VAV2: variants seen among roughly 807,000 people sequenced by gnomAD.
The protein encoded by VAV2 is guanine nucleotide exchange factor VAV2.
A neutral mutation model predicts 132.5 loss-of-function variants in VAV2; 67 were observed. The ratio of observed to expected loss-of-function variants is 0.51; its 90% CI spans 0.42 to 0.62. The LOEUF is 0.62. Among genes scored for constraint, VAV2 ranks in the 20% least tolerant of loss-of-function variants. The pLI, the probability that VAV2 is intolerant of heterozygous loss-of-function variation, is 0.00. For missense variants in VAV2, 938 were observed against 1,153.6 expected (o/e 0.81, Z 2.71); for synonymous variants, 492 against 443.5 (o/e 1.11, Z -1.37).
intron 1 of VAV2, among the ~76,000 whole-genome samples, chr9:133,940,926 GA>G (rs59772575): frequency 0.32 from 43,943 of 135,530 alleles, 6,417 homozygotes; most frequent in East Asian, 0.42. Context: ...ATAGCTAAAA[GA>G]AAAAAAAAAA....
At chr9:133,990,534 T>C (rs994324845) in intron 1 of VAV2, among the ~76,000 whole-genome samples, 5 of 152,166 alleles carry the variant, frequency 3.3e-5, no homozygotes, top group Non-Finnish European at 2.9e-5. Flanking sequence ...CGGACCCAGC[T>C]GCCCTGCCTC....
At chr9:133,781,209 T>C (rs1267239457) in intron 19 of VAV2, among the ~76,000 whole-genome samples, 1 of 152,170 alleles carries the variant, frequency 6.6e-6, no homozygotes, top group Non-Finnish European at 1.5e-5. Context: ...CTGCTTGCCA[T>C]CCTCAGCTCA....
chr9:133,806,721 A>T (rs1260223394), intron 8 of VAV2, among the ~76,000 whole-genome samples: 1 of 152,214 alleles, frequency 6.6e-6, no homozygotes, highest in African/African-American at 2.4e-5. Context: ...GGGAGGCAGG[A>T]CACAGCCACC....
chr9:133,869,132 G>A (rs1837925379), intron 2 of VAV2, among the ~76,000 whole-genome samples: 1 of 152,062 alleles, frequency 6.6e-6, no homozygotes, highest in African/African-American at 2.4e-5. Flanking sequence ...GAGTAGCTGG[G>A]GATTACAGGC....
At chr9:133,956,043 G>A (rs1279746805) in intron 1 of VAV2, among the ~76,000 whole-genome samples, 3 of 151,510 alleles carry the variant, frequency 2.0e-5, no homozygotes, top group African/African-American at 7.3e-5. Context: ...TGGAGCCCAC[G>A]GGGCCAGGAG....
chr9:133,861,265 G>T, intron 3 of VAV2, 109 bp downstream of exon 3: 1 of 1,228,578 alleles, frequency 8.1e-7, no homozygotes. Flanking sequence ...GCATGATAAA[G>T]ACACAGGCAG....
intron 2 of VAV2, among the ~76,000 whole-genome samples, chr9:133,913,466 C>A (rs1430099485): frequency 6.6e-6 from 1 of 152,164 alleles, no homozygotes; most frequent in African/African-American, 2.4e-5. Context: ...GGCTTCTATG[C>A]CAGGGATGCC....
chr9:133,911,390 C>T (rs879569660), intron 2 of VAV2, among the ~76,000 whole-genome samples: 1 of 152,194 alleles, frequency 6.6e-6, no homozygotes, highest in Non-Finnish European at 1.5e-5. Context: ...AAGACCTTGA[C>T]GTTCAACTGC....
Position 133,840,681 on chromosome 9 carries a change from C to T in VAV2, c.381-6341G>A, listed in dbSNP as rs1390265059. 6.6e-6 allele frequency among the ~76,000 whole-genome samples: 1 copy of T among 152,216 alleles called. No individual in the cohort carries two copies. The highest frequency in any genetic ancestry group is 1.5e-5 in the Non-Finnish European group (1 of 68,038). On this transcript the variant is annotated intron_variant, in intron 3 of 29. Coordinates refer to ENST00000371850, the MANE Select transcript of VAV2 (RefSeq NM_001134398.2). The surrounding 1 kb of genome is among the most constrained non-coding windows in gnomAD (Gnocchi z 4.5). ...CCTCCCGTCCTTCCCCGGGGAATTA[C>T]GGGGCACCTGCGTGGGGCTGGCATG...
chr9:133,905,433 CAAAAAA>C (rs5901029), intron 2 of VAV2, among the ~76,000 whole-genome samples: 8 of 113,302 alleles, frequency 7.1e-5, no homozygotes, highest in African/African-American at 1.1e-4. Context: ...GAAACTGTCT[CAAAAAA>C]AAAAAAAAAA....
intron 1 of VAV2, among the ~76,000 whole-genome samples, chr9:133,952,166 T>A (rs1453368129): frequency 6.6e-6 from 1 of 152,110 alleles, no homozygotes; most frequent in Admixed American, 6.5e-5. Context: ...ATAGGAATTT[T>A]GGGGAGACAC....
chr9:133,894,873 G>A (rs1839134179), intron 2 of VAV2, among the ~76,000 whole-genome samples: 1 of 152,144 alleles, frequency 6.6e-6, no homozygotes, highest in East Asian at 1.9e-4. Context: ...GTCCAGAGCT[G>A]AGCACTCTGC....
chr9:133,862,424 C>T (rs900429061), intron 2 of VAV2, among the ~76,000 whole-genome samples: 5 of 152,260 alleles, frequency 3.3e-5, no homozygotes, highest in Non-Finnish European at 5.9e-5. Context: ...CAGACTCAGT[C>T]CCTGAGGAGG....
intron 2 of VAV2, among the ~76,000 whole-genome samples, chr9:133,937,800 G>T (rs1213438554): frequency 6.6e-6 from 1 of 152,212 alleles, no homozygotes; most frequent in Non-Finnish European, 1.5e-5. Flanking sequence ...GGCCTCAACA[G>T]GGCATCAAAC....
chr9:133,796,198 T>C (rs1026773801), intron 11 of VAV2, among the ~76,000 whole-genome samples: 2 of 152,196 alleles, frequency 1.3e-5, no homozygotes, highest in East Asian at 1.9e-4. Context: ...TCTGTCTCTT[T>C]CAGTTTTCTG....
At position 133,826,174 on chromosome 9, in the gene VAV2, T is replaced by G. The variant is rs1835980798; in HGVS notation, c.449+8098A>C. 6.6e-6 allele frequency among the ~76,000 whole-genome samples: 1 copy of G among 152,212 alleles called. No individual in the cohort carries two copies. The highest frequency in any genetic ancestry group is 2.4e-5 in the African/African-American group (1 of 41,460). On this transcript the variant is annotated intron_variant, in intron 4 of 29. Coordinates refer to ENST00000371850, the MANE Select transcript of VAV2 (RefSeq NM_001134398.2). The surrounding 1 kb of genome is among the most constrained non-coding windows in gnomAD (Gnocchi z 4.2). ...CAGACCATCTGGGCAGATGCTTTCG[T>G]TTCAGAGACTGGGAAACTGAGGCCC...
At position 133,969,287 on chromosome 9, in the gene VAV2, G is replaced by A. The variant is rs1339269954; in HGVS notation, c.204+22788C>T. ...ACGGCTGCGCTGCTGGCATGGTAGAGAATACAACGAACAGGGAAGGAGGGA... is the reference window on the plus strand; with the variant it reads ...ACGGCTGCGCTGCTGGCATGGTAGAAAATACAACGAACAGGGAAGGAGGGA... On this transcript the variant is annotated intron_variant, in intron 1 of 29. Coordinates refer to ENST00000371850, the MANE Select transcript of VAV2 (RefSeq NM_001134398.2). The surrounding 1 kb of genome is among the most constrained non-coding windows in gnomAD (Gnocchi z 5.1). Among the ~76,000 whole-genome samples, 1 of 152,194 alleles carries A rather than the reference G, an allele frequency of 6.6e-6. No individual in the cohort carries two copies. Among genetic ancestry groups the A allele is most frequent in the South Asian group, 2.1e-4 (1 of 4,828 alleles).
At chr9:133,862,263 G>T (rs1450653250) in intron 2 of VAV2, among the ~76,000 whole-genome samples, 2 of 152,246 alleles carry the variant, frequency 1.3e-5, no homozygotes, top group Admixed American at 1.3e-4. Flanking sequence ...TGGCTAGCAG[G>T]CCGGAGACAG....
Position 133,794,710 on chromosome 9 carries a change from G to A in VAV2, c.1101+958C>T, listed in dbSNP as rs1834638644. On this transcript the variant is annotated intron_variant, in intron 12 of 29. Transcript: ENST00000371850. This position sits in a 1 kb window ranked among gnomAD's most constrained non-coding sequence, Gnocchi z 4.6. ...GCTCCCGACGAGGGAGATGTGGGGG[G>A]GGTCGTCATCCCTCCACCCAGATGC... Among the ~76,000 whole-genome samples, 1 of 152,182 alleles carries A rather than the reference G, an allele frequency of 6.6e-6. No homozygotes were observed. The highest frequency in any genetic ancestry group is 6.5e-5 in the Admixed American group (1 of 15,280).
Sources: allele counts gnomAD v4.1 joint callset (sites outside exome capture counted in the v4.1 genomes callset), GRCh38; gene constraint gnomAD v4.1.1; non-coding constraint Gnocchi (gnomAD v3.1); transcripts MANE v1.5; gene names NCBI Gene and HGNC (gene_info 2026-07-23, HGNC 2026-07-21).